The following MYH15 variants were observed in gnomAD, a reference collection of about 807,000 sequenced individuals.
MYH15 encodes myosin heavy chain 15, also known as myosin-15.
In MYH15, 227 loss-of-function variants were observed where a neutral mutation model predicts 240.5. The ratio of observed to expected loss-of-function variants is 0.94; its 90% CI spans 0.85 to 1.05. The LOEUF (loss-of-function observed/expected upper bound fraction) is 1.05. MYH15 is among the 50% of genes least tolerant of loss of function. The probability of loss-of-function intolerance (pLI) is 0.00; values close to 1 mark genes in which losing one functional copy is unlikely to be tolerated. For missense variants in MYH15, 2,217 were observed against 2,247.5 expected (o/e 0.99, Z 0.27); for synonymous variants, 785 against 796.7 (o/e 0.99, Z 0.25).
At chr3:108,545,692 CAT>C in the MYH15 span, among the ~76,000 whole-genome samples, 4 of 137,824 alleles carry the variant, frequency 2.9e-5, no homozygotes, top group African/African-American at 7.8e-5. Context: ...CTAATATACA[CAT>C]ACACACACAC....
At chr3:108,449,348 T>G (rs2082953816) in intron 21 of MYH15, among the ~76,000 whole-genome samples, 1 of 151,976 alleles carries the variant, frequency 6.6e-6, no homozygotes. Flanking sequence ...TGCTACAAAC[T>G]ATAGCAATCA....
chr3:108,432,933 C>T (rs2107563013), intron 25 of MYH15, among the ~76,000 whole-genome samples: 1 of 152,234 alleles, frequency 6.6e-6, no homozygotes, highest in Admixed American at 6.5e-5. Flanking sequence ...GGTCAGGGCT[C>T]CCACACAGAG....
intron 13 of MYH15, among the ~76,000 whole-genome samples, chr3:108,470,433 T>C (rs2083162777): frequency 6.6e-6 from 1 of 152,204 alleles, no homozygotes; most frequent in East Asian, 1.9e-4. Context: ...CACTTAATGG[T>C]ATTAAAATTT....
At chr3:108,511,150 C>T (rs1052506368), upstream of MYH15, among the ~76,000 whole-genome samples, 1 of 151,884 alleles carries the variant, frequency 6.6e-6, no homozygotes, top group African/African-American at 2.4e-5. Context: ...ATCTAATTAC[C>T]CCCAAGCAGA....
At chr3:108,448,884 A>C (rs543402324) in intron 21 of MYH15, among the ~76,000 whole-genome samples, 1 of 152,070 alleles carries the variant, frequency 6.6e-6, no homozygotes, top group East Asian at 1.9e-4. Flanking sequence ...CCACCAAAAA[A>C]ACAGAATTAA....
chr3:108,473,861 G>A (rs2083197188), intron 12 of MYH15, among the ~76,000 whole-genome samples: 1 of 152,120 alleles, frequency 6.6e-6, no homozygotes, highest in Non-Finnish European at 1.5e-5. Context: ...AATGCAAGTG[G>A]CATTTTCTGG....
rs72941738 is a variant in MYH15 at position 108,498,769 on chromosome 3, C to A, written c.525-624G>T. On this transcript the variant is annotated intron_variant, in intron 5 of 40. Coordinates refer to ENST00000693548, the MANE Select transcript of MYH15 (RefSeq NM_014981.3). ...TTCATGTAGCTCTAAAATTCTGAGACCTCATGATCCCTCTTGGGATAACTG... is the reference window on the plus strand; with the variant it reads ...TTCATGTAGCTCTAAAATTCTGAGAACTCATGATCCCTCTTGGGATAACTG... Among the ~76,000 whole-genome samples the A allele has an allele frequency of 3.3e-3, 505 of 152,318 alleles. 2 individuals carry two copies. The highest frequency in any genetic ancestry group is 0.011 in the African/African-American group (458 of 41,574).
chr3:108,443,099 T>C lies in MYH15; in HGVS notation c.2655+1541A>G, dbSNP rs1576236725. 2.0e-5 allele frequency among the ~76,000 whole-genome samples: 3 copies of C among 152,216 alleles called. 1 individual carries two copies. The highest frequency in any genetic ancestry group is 7.2e-5 in the African/African-American group (3 of 41,536). Reference sequence around the variant, plus strand: ...GAATGATAGAAACTGGGAGGCGAGGTCTCAACCAAAGTTACCTATTCCCTA... The same window carrying C: ...GAATGATAGAAACTGGGAGGCGAGGCCTCAACCAAAGTTACCTATTCCCTA... On this transcript the variant is annotated intron_variant, in intron 22 of 40. Coordinates refer to ENST00000693548, the MANE Select transcript of MYH15 (RefSeq NM_014981.3).
chr3:108,485,223 T>C lies in MYH15; in HGVS notation c.982A>G (p.Met328Val), dbSNP rs764021597. The C allele has an allele frequency of 1.1e-5, 18 of 1,613,898 alleles. No individual in the cohort carries two copies. Among genetic ancestry groups the C allele is most frequent in the South Asian group, 2.2e-5 (2 of 91,010 alleles). Reference protein sequence around the residue: ...AEELLATEQAMDILGFLPDEK... With the variant: ...AEELLATEQAVDILGFLPDEK... ...TCAGGAAGAAAGCCCAAGATGTCCA[T>C]GGCTTGCTGTAAAAAGAGAAACAGA... Residue 328 changes from methionine to valine, a missense_variant, in exon 11 of 41, where the codon ATG (methionine) becomes GTG (valine). Coordinates refer to ENST00000693548, the MANE Select transcript of MYH15 (RefSeq NM_014981.3).
intron 23 of MYH15, 80 bp downstream of exon 23, chr3:108,440,938 G>A: frequency 6.5e-7 from 1 of 1,542,100 alleles, no homozygotes; most frequent in South Asian, 1.2e-5. Context: ...CTTGAATAGA[G>A]CAAGTCAGAT....
intron 11 of MYH15, 98 bp from the exon 12 acceptor site, chr3:108,476,613 AGT>A: frequency 1.3e-6 from 1 of 779,660 alleles, no homozygotes; most frequent in Non-Finnish European, 2.2e-6. Context: ...ACAGAAAGAT[AGT>A]GTGTTTACAT....
intron 31 of MYH15, among the ~76,000 whole-genome samples, chr3:108,409,057 T>C (rs1436984826): frequency 3.3e-5 from 5 of 151,954 alleles, no homozygotes; most frequent in Admixed American, 2.0e-4. Flanking sequence ...ACCTAAGAGG[T>C]GTGGTATAGG....
intron 9 of MYH15, among the ~76,000 whole-genome samples, chr3:108,490,630 G>A (rs1451193792): frequency 6.6e-6 from 1 of 152,128 alleles, no homozygotes; most frequent in Admixed American, 6.5e-5. Flanking sequence ...TAAATCAAAT[G>A]CATTATTGCC....
intron 27 of MYH15, among the ~76,000 whole-genome samples, chr3:108,422,072 C>T (rs2082688110): frequency 6.6e-6 from 1 of 152,084 alleles, no homozygotes; most frequent in Non-Finnish European, 1.5e-5. Context: ...TGAGGTATCC[C>T]CTTCACATAC....
intron 29 of MYH15, 123 bp downstream of exon 29, chr3:108,416,689 T>A: frequency 1.2e-6 from 1 of 817,668 alleles, no homozygotes; most frequent in South Asian, 1.8e-5. Context: ...TTTTCCCCCA[T>A]AACTTCTAGG....
the MYH15 span, among the ~76,000 whole-genome samples, chr3:108,545,614 T>C: frequency 6.6e-6 from 1 of 152,062 alleles, no homozygotes; most frequent in Non-Finnish European, 1.5e-5. Context: ...AAAGTAACAT[T>C]GTACTTCTAG....
chr3:108,445,930 A>AAATACTGG (rs1419854667), intron 21 of MYH15, among the ~76,000 whole-genome samples: 42 of 152,296 alleles, frequency 2.8e-4, no homozygotes, highest in African/African-American at 9.4e-4. Context: ...AGGTTATTAG[A>AAATACTGG]AATACTGGGG....
At chr3:108,404,975 G>A (rs139989721) in intron 33 of MYH15, 95 of 153,606 alleles carry the variant, frequency 6.2e-4, no homozygotes, top group African/African-American at 2.1e-3. Flanking sequence ...TCACATGACA[G>A]TAGAAGCTCC....
intron 11 of MYH15, among the ~76,000 whole-genome samples, chr3:108,480,422 C>T (rs1172350760): frequency 1.3e-5 from 2 of 152,136 alleles, no homozygotes; most frequent in African/African-American, 2.4e-5. Flanking sequence ...CTTCTGGTCG[C>T]AGAAGACATC....
Sources: gnomAD v4.1 joint callset for allele counts (sites outside exome capture counted in the v4.1 genomes callset) on GRCh38, gnomAD v4.1.1 for gene constraint, MANE v1.5 for transcripts, NCBI Gene and HGNC (gene_info 2026-07-23, HGNC 2026-07-21) for gene names.